The following ITPRID1 variants were observed in gnomAD, a reference collection of about 807,000 sequenced individuals.
The protein encoded by ITPRID1 is protein ITPRID1.
ITPRID1 carries 96 observed loss-of-function variants against 95.4 expected under a neutral mutation model. The ratio of observed to expected loss-of-function variants is 1.01; its 90% CI spans 0.85 to 1.19. The LOEUF (loss-of-function observed/expected upper bound fraction) is 1.19, where lower values mean the gene tolerates loss of function less well. Ranked by LOEUF, ITPRID1 falls within the 50% of genes most tolerant of loss-of-function variation. ITPRID1 has a pLI of 0.00. For synonymous variants in ITPRID1, 510 were observed against 453.6 expected (o/e 1.12, Z -1.58); for missense variants, 1,339 against 1,252.9 (o/e 1.07, Z -1.04).
At chr7:31,605,222 G>T (rs1444698483) in intron 10 of ITPRID1, among the ~76,000 whole-genome samples, 2 of 152,070 alleles carry the variant, frequency 1.3e-5, no homozygotes, top group Non-Finnish European at 2.9e-5. Context: ...GTGTAGCCAA[G>T]GTAGTTGATA....
intron 1 of ITPRID1, among the ~76,000 whole-genome samples, chr7:31,522,608 A>G (rs554149461): frequency 3.4e-4 from 52 of 152,312 alleles, no homozygotes; most frequent in African/African-American, 1.2e-3. Flanking sequence ...TTTACCCAGT[A>G]TCAGTCTGTC....
intron 10 of ITPRID1, among the ~76,000 whole-genome samples, chr7:31,639,038 A>G (rs38387): frequency 0.16 from 23,839 of 152,138 alleles, 2,343 homozygotes; most frequent in Non-Finnish European, 0.2. Flanking sequence ...CGGCCTCCCA[A>G]AGTGCTGGGA....
intron 10 of ITPRID1, among the ~76,000 whole-genome samples, chr7:31,586,890 G>C (rs969965658): frequency 5.3e-5 from 8 of 151,840 alleles, no homozygotes; most frequent in Non-Finnish European, 7.4e-5. Context: ...ATTGCTTTTG[G>C]TGTTTTAGAC....
chr7:31,619,939 C>T (rs145686999), intron 10 of ITPRID1, among the ~76,000 whole-genome samples: 2,117 of 152,286 alleles, frequency 0.014, 58 homozygotes, highest in African/African-American at 0.046. Flanking sequence ...TAAAAAACGG[C>T]GCACCAGGAG....
intron 1 of ITPRID1, among the ~76,000 whole-genome samples, chr7:31,545,966 G>A (rs1409852963): frequency 6.6e-6 from 1 of 152,022 alleles, no homozygotes; most frequent in Non-Finnish European, 1.5e-5. Flanking sequence ...TGAGTAATAG[G>A]AGTATTTTAT....
chr7:31,612,577 A>C (rs1302292824), intron 10 of ITPRID1, among the ~76,000 whole-genome samples: 1 of 152,188 alleles, frequency 6.6e-6, no homozygotes, highest in Non-Finnish European at 1.5e-5. Context: ...TGTCAAGTAC[A>C]ACACTGAAGT....
intron 9 of ITPRID1, among the ~76,000 whole-genome samples, chr7:31,578,864 T>TA (rs764713325): frequency 1.3e-5 from 2 of 152,200 alleles, no homozygotes; most frequent in Non-Finnish European, 2.9e-5. Context: ...CTCGTTATGT[T>TA]AGAGATTGAG....
chr7:31,518,974 A>G (rs1783132378), intron 1 of ITPRID1, among the ~76,000 whole-genome samples: 1 of 152,172 alleles, frequency 6.6e-6, no homozygotes, highest in African/African-American at 2.4e-5. Context: ...CGTTTTCCCT[A>G]ATTCATTGTA....
intron 10 of ITPRID1, among the ~76,000 whole-genome samples, chr7:31,639,134 G>T (rs1789768217): frequency 6.6e-6 from 1 of 152,148 alleles, no homozygotes; most frequent in South Asian, 2.1e-4. Flanking sequence ...GGTGCTTGGA[G>T]TTTGTTGGAC....
chr7:31,599,585 T>C (rs918499067), intron 10 of ITPRID1, among the ~76,000 whole-genome samples: 12 of 112,910 alleles, frequency 1.1e-4, no homozygotes, highest in African/African-American at 4.1e-4. Flanking sequence ...TGTTGTGTTA[T>C]TTTCTTTCTT....
At chr7:31,602,294 T>C (rs1786427608) in intron 10 of ITPRID1, among the ~76,000 whole-genome samples, 3 of 152,200 alleles carry the variant, frequency 2.0e-5, no homozygotes, top group Admixed American at 2.0e-4. Context: ...GTGAGACTAA[T>C]ACCCACAGCC....
rs888203730 is a variant in ITPRID1, at chr7:31,654,694, C to T, written c.*1865C>T. On this transcript the variant is annotated 3_prime_UTR_variant, in exon 15 of 15. Transcript: ENST00000615280. ...CACAAAGGCCAGAGGCACTGGGTCTCTAAGGAATGGGGAATAGATGCAGAA... is the reference window on the plus strand; with the variant it reads ...CACAAAGGCCAGAGGCACTGGGTCTTTAAGGAATGGGGAATAGATGCAGAA... Among the ~76,000 whole-genome samples the T allele has an allele frequency of 6.6e-6, 1 of 152,054 alleles. No individual in the cohort carries two copies. Among genetic ancestry groups the T allele is most frequent in the Non-Finnish European group, 1.5e-5 (1 of 68,000 alleles).
intron 10 of ITPRID1, among the ~76,000 whole-genome samples, chr7:31,623,818 A>G (rs1258651329): frequency 6.6e-6 from 1 of 152,192 alleles, no homozygotes; most frequent in East Asian, 1.9e-4. Flanking sequence ...TTAGGAAAAG[A>G]GCAAGTCAAA....
chr7:31,518,819 A>C (rs1562542419), intron 1 of ITPRID1, among the ~76,000 whole-genome samples: 1 of 152,186 alleles, frequency 6.6e-6, no homozygotes, highest in Non-Finnish European at 1.5e-5. Flanking sequence ...ACAGCAAATA[A>C]ATTATTTAAA....
intron 10 of ITPRID1, among the ~76,000 whole-genome samples, chr7:31,613,603 CAGGT>C (rs1786980993): frequency 6.6e-6 from 1 of 152,094 alleles, no homozygotes; most frequent in South Asian, 2.1e-4. Flanking sequence ...AGTAGAATAT[CAGGT>C]AGGAAGACAA....
intron 10 of ITPRID1, among the ~76,000 whole-genome samples, chr7:31,592,246 C>T (rs1785897840): frequency 6.6e-6 from 1 of 152,292 alleles, no homozygotes; most frequent in East Asian, 1.9e-4. Flanking sequence ...TTGGAGCCAG[C>T]TTGCCTGGAT....
chr7:31,582,084 A>C (rs1785424939), intron 9 of ITPRID1, among the ~76,000 whole-genome samples: 1 of 152,256 alleles, frequency 6.6e-6, no homozygotes, highest in African/African-American at 2.4e-5. Flanking sequence ...CTGTACTCAA[A>C]TATCAATTCC....
At chr7:31,600,815 G>C (rs1786363089) in intron 10 of ITPRID1, among the ~76,000 whole-genome samples, 1 of 152,156 alleles carries the variant, frequency 6.6e-6, no homozygotes, top group Non-Finnish European at 1.5e-5. Flanking sequence ...CCAGGAAGTT[G>C]CTTCTTCCTG....
chr7:31,555,080 G>A (rs111363661), intron 5 of ITPRID1, 179 bp downstream of exon 5: 4 of 565,994 alleles, frequency 7.1e-6, no homozygotes, highest in East Asian at 6.0e-5. Flanking sequence ...AATGATAGGT[G>A]CTTCCCCAGC....
Sources: allele counts gnomAD v4.1 joint callset (sites outside exome capture counted in the v4.1 genomes callset), GRCh38; gene constraint gnomAD v4.1.1; transcripts MANE v1.5; gene names NCBI Gene and HGNC (gene_info 2026-07-23, HGNC 2026-07-21).